TLN2: variants seen among roughly 807,000 people sequenced by gnomAD.
TLN2 encodes talin-2.
TLN2 carries 118 observed loss-of-function variants against 294.7 expected under a neutral mutation model. The ratio of observed to expected loss-of-function variants is 0.40; its 90% confidence interval spans 0.34 to 0.47. The LOEUF (loss-of-function observed/expected upper bound fraction) is 0.47, where lower values mean the gene tolerates loss of function less well. Ranked by LOEUF, TLN2 falls within the 20% of genes least tolerant of loss-of-function variation. The pLI is 0.84. For synonymous variants in TLN2, 1,431 were observed against 1,304.5 expected (o/e 1.10, Z -2.09); for missense variants, 3,083 against 3,282.2 (o/e 0.94, Z 1.48).
At chr15:62,685,343 T>C (rs770032245) in intron 11 of TLN2, among the ~76,000 whole-genome samples, 12 of 152,214 alleles carry the variant, frequency 7.9e-5, no homozygotes, top group Admixed American at 2.0e-4. Flanking sequence ...ATTGAAAACT[T>C]GGATTGTTTC....
chr15:62,403,456 C>T (rs1246201843), intron 1 of TLN2, among the ~76,000 whole-genome samples: 2 of 152,168 alleles, frequency 1.3e-5, no homozygotes, highest in Non-Finnish European at 2.9e-5. Context: ...TGGTTTCAAA[C>T]TCCTGGGTTC....
At chr15:62,825,808 T>TTATAATATATAATATA (rs1567687345) in intron 54 of TLN2, among the ~76,000 whole-genome samples, 1 of 5,812 alleles carries the variant, frequency 1.7e-4, no homozygotes, top group African/African-American at 3.9e-4. Flanking sequence ...ATATTATATA[T>TTATAATATATAATATA]TATATTATAA....
In TLN2 at chr15:62,820,489, C is replaced by T; in HGVS notation, c.6881C>T (p.Thr2294Ile). Residue 2294 changes from threonine to isoleucine, a missense_variant, in exon 54 of 59, where the codon ACA becomes ATA. Coordinates refer to ENST00000636159, the MANE Select transcript of TLN2 (RefSeq NM_015059.3). ...CCTTCTTTTGGACTGATTCTAGGAA[C>T]AGAGTGGGTGGATCCAGAAGACCCA... ...LIQAAEAMKG[T>I]EWVDPEDPTV... 2 of 1,613,850 alleles carry T rather than the reference C, an allele frequency of 1.2e-6. No homozygotes were observed. Among genetic ancestry groups the T allele is most frequent in the Non-Finnish European group, 1.7e-6 (2 of 1,179,894 alleles).
At chr15:62,813,199 T>A (rs1408427187) in intron 52 of TLN2, among the ~76,000 whole-genome samples, 1 of 152,256 alleles carries the variant, frequency 6.6e-6, no homozygotes, top group Non-Finnish European at 1.5e-5. Flanking sequence ...CTGTTATGGA[T>A]TCTTCCTTGT....
At chr15:62,689,659 G>C (rs74659269) in intron 12 of TLN2, among the ~76,000 whole-genome samples, 4,112 of 151,534 alleles carry the variant, frequency 0.027, 189 homozygotes, top group African/African-American at 0.094. Flanking sequence ...TACAGCATTT[G>C]GGATTGACAG....
intron 1 of TLN2, among the ~76,000 whole-genome samples, chr15:62,562,020 C>G (rs534590651): frequency 6.6e-6 from 1 of 152,242 alleles, no homozygotes; most frequent in Admixed American, 6.5e-5. Flanking sequence ...GCTTCTTTTT[C>G]CTTTTCAACT....
At chr15:62,734,738 G>A (rs1006474807) in intron 28 of TLN2, among the ~76,000 whole-genome samples, 2 of 152,234 alleles carry the variant, frequency 1.3e-5, no homozygotes, top group East Asian at 1.9e-4. Flanking sequence ...ACCTTGATTA[G>A]ATCGTAGTTT....
At chr15:62,390,709 T>G (rs550936556) in intron 1 of TLN2, 24 bp downstream of exon 1, 1 of 151,860 alleles carries the variant, frequency 6.6e-6, no homozygotes, top group African/African-American at 2.4e-5. Flanking sequence ...CTCACTCGGG[T>G]TTTCCTCTTC....
intron 4 of TLN2, 105 bp downstream of exon 4, chr15:62,647,551 A>G: frequency 1.4e-6 from 2 of 1,468,828 alleles, no homozygotes; most frequent in Middle Eastern, 1.8e-4. Flanking sequence ...CTATTAGTGC[A>G]TATGTTTCAA....
intron 2 of TLN2, among the ~76,000 whole-genome samples, chr15:62,595,618 C>A (rs940283927): frequency 6.6e-6 from 1 of 152,146 alleles, no homozygotes; most frequent in Middle Eastern, 3.2e-3. Flanking sequence ...CTCCTATGTT[C>A]ATTGCAGCAC....
chr15:62,820,574 G>A lies in TLN2; in HGVS notation c.6966G>A (p.Lys2322=), dbSNP rs755244207. ...GAAASIEAAA[K]KLEQLKPRAK... is the part of the protein sequence containing the mutation. ...CAGCATCCATCGAAGCTGCTGCTAA[G>A]AAGTTAGAGCAACTGAAGCCAAGAG... The change falls in exon 54 of 59, where the codon AAG becomes AAA. Residue 2322 remains lysine (K), a synonymous_variant. Coordinates refer to ENST00000636159, the MANE Select transcript of TLN2 (RefSeq NM_015059.3). 5.6e-6 allele frequency: 9 copies of A among 1,613,840 alleles called. No homozygotes were observed. The African/African-American group carries it at 1.2e-4, about 22-fold the overall frequency.
chr15:62,644,873 G>A (rs1281659272), intron 3 of TLN2: 2 of 298,486 alleles, frequency 6.7e-6, no homozygotes, highest in East Asian at 8.7e-5. Flanking sequence ...CTTTCAGAAA[G>A]CTCAGTTTTT....
chr15:62,655,308 A>G (rs2140953748), intron 7 of TLN2, among the ~76,000 whole-genome samples: 1 of 152,242 alleles, frequency 6.6e-6, no homozygotes, highest in African/African-American at 2.4e-5. Flanking sequence ...GAGCTGTGAA[A>G]GTGTAGAGGG....
At chr15:62,582,036 C>G (rs1241634664) in intron 1 of TLN2, among the ~76,000 whole-genome samples, 1 of 146,806 alleles carries the variant, frequency 6.8e-6, no homozygotes, top group East Asian at 2.0e-4. Flanking sequence ...AAGAGTGAAA[C>G]TCTGTCTAGA....
chr15:62,420,706 A>G (rs2034342102), intron 1 of TLN2, among the ~76,000 whole-genome samples: 1 of 152,244 alleles, frequency 6.6e-6, no homozygotes, highest in Non-Finnish European at 1.5e-5. Flanking sequence ...AGTTTTGCCT[A>G]GGCCTTTCCT....
At chr15:62,474,602 T>C (rs141465474) in intron 1 of TLN2, among the ~76,000 whole-genome samples, 1 of 152,184 alleles carries the variant, frequency 6.6e-6, no homozygotes, top group Non-Finnish European at 1.5e-5. Flanking sequence ...GATTGCACCA[T>C]TGTCCTCCAG....
intron 2 of TLN2, among the ~76,000 whole-genome samples, chr15:62,605,572 G>A (rs1165004614): frequency 6.6e-6 from 1 of 152,104 alleles, no homozygotes; most frequent in Non-Finnish European, 1.5e-5. Context: ...GGGAAGTTAG[G>A]CTGTGGCTGC....
At chr15:62,601,953 TG>T (rs1478275858) in intron 2 of TLN2, among the ~76,000 whole-genome samples, 1 of 152,356 alleles carries the variant, frequency 6.6e-6, no homozygotes, top group East Asian at 1.9e-4. Context: ...ATGAATTTTT[TG>T]TATTTTTGTT....
At chr15:62,627,536 T>C (rs2049386982) in intron 3 of TLN2, among the ~76,000 whole-genome samples, 1 of 152,226 alleles carries the variant, frequency 6.6e-6, no homozygotes, top group Non-Finnish European at 1.5e-5. Context: ...CAGAATTATC[T>C]TGTGAAATGT....
Sources: gnomAD v4.1 joint callset for allele counts (sites outside exome capture counted in the v4.1 genomes callset) on GRCh38, gnomAD v4.1.1 for gene constraint, MANE v1.5 for transcripts, NCBI Gene and HGNC (gene_info 2026-07-23, HGNC 2026-07-21) for gene names.